The following RUNX2 variants were observed in gnomAD, a reference collection of about 807,000 sequenced individuals.
RUNX2 encodes the protein RUNX family transcription factor 2, also known as runt-related transcription factor 2.
In RUNX2, 10 loss-of-function variants were observed where a neutral mutation model predicts 51.7. The observed-to-expected ratio is 0.19, with a 90% CI of 0.12 to 0.33. RUNX2 has a LOEUF of 0.33. RUNX2 is among the 10% of genes least tolerant of loss of function. The pLI, the probability that RUNX2 is intolerant of heterozygous loss-of-function variation, is 1.00. For missense variants in RUNX2, 562 were observed against 691.3 expected (o/e 0.81, Z 2.10); for synonymous variants, 276 against 273.6 (o/e 1.01, Z -0.09).
intron 7 of RUNX2, among the ~76,000 whole-genome samples, chr6:45,537,134 T>C (rs1030880004): frequency 1.3e-5 from 2 of 152,196 alleles, no homozygotes; most frequent in East Asian, 1.9e-4. Context: ...CTAAGGAATA[T>C]AAAACATGGT....
chr6:45,476,087 T>C (rs1379366769), intron 5 of RUNX2, among the ~76,000 whole-genome samples: 3 of 152,242 alleles, frequency 2.0e-5, no homozygotes, highest in Non-Finnish European at 2.9e-5. Flanking sequence ...ATATCATTTG[T>C]ACTAGTTGCA....
At chr6:45,386,093 G>A (rs912375005) in intron 2 of RUNX2, among the ~76,000 whole-genome samples, 8 of 146,834 alleles carry the variant, frequency 5.4e-5, no homozygotes, top group African/African-American at 2.0e-4. Context: ...TTGAGACGGA[G>A]TTTCACTCTT....
intron 2 of RUNX2, among the ~76,000 whole-genome samples, chr6:45,364,228 G>A (rs1394375351): frequency 6.6e-6 from 1 of 152,004 alleles, no homozygotes; most frequent in Non-Finnish European, 1.5e-5. Context: ...AGGATCCTAA[G>A]GCCAAAAAGT....
intron 5 of RUNX2, among the ~76,000 whole-genome samples, chr6:45,485,383 G>T (rs887438629): frequency 2.6e-5 from 4 of 151,334 alleles, no homozygotes; most frequent in Non-Finnish European, 5.9e-5. Context: ...CATATTTTTA[G>T]TAGAAACGGG....
intron 7 of RUNX2, among the ~76,000 whole-genome samples, chr6:45,517,019 G>A (rs1277315712): frequency 6.6e-6 from 1 of 151,994 alleles, no homozygotes; most frequent in Non-Finnish European, 1.5e-5. Context: ...ATTAACCTAA[G>A]TCTGTACCAC....
At chr6:45,545,318 T>A in intron 8 of RUNX2, 36 bp downstream of exon 8, 5 of 1,502,020 alleles carry the variant, frequency 3.3e-6, no homozygotes, top group Non-Finnish European at 4.5e-6. Context: ...TGGGCAGGGC[T>A]GGGCTGGGCT....
intron 2 of RUNX2, among the ~76,000 whole-genome samples, chr6:45,386,320 G>T (rs1797347925): frequency 6.6e-6 from 1 of 152,166 alleles, no homozygotes; most frequent in Non-Finnish European, 1.5e-5. Flanking sequence ...GCCCACCTCG[G>T]CCTCCCAAAG....
At chr6:45,481,785 T>C (rs1042904905) in intron 5 of RUNX2, among the ~76,000 whole-genome samples, 1 of 152,208 alleles carries the variant, frequency 6.6e-6, no homozygotes, top group African/African-American at 2.4e-5. Context: ...TCAGGCAGTT[T>C]AGGGGACTGC....
chr6:45,438,353 A>G (rs148368784), intron 5 of RUNX2, among the ~76,000 whole-genome samples: 1 of 152,332 alleles, frequency 6.6e-6, no homozygotes, highest in Non-Finnish European at 1.5e-5. Context: ...ACTGAACATA[A>G]TGGGGCAGAA....
chr6:45,392,397 C>G (rs1387430054), intron 2 of RUNX2, among the ~76,000 whole-genome samples: 1 of 152,072 alleles, frequency 6.6e-6, no homozygotes, highest in Non-Finnish European at 1.5e-5. Flanking sequence ...ATATTCCTAG[C>G]TACTTGGGAA....
At chr6:45,426,068 T>C (rs1798374058) in intron 3 of RUNX2, among the ~76,000 whole-genome samples, 1 of 152,236 alleles carries the variant, frequency 6.6e-6, no homozygotes, top group Admixed American at 6.5e-5. Flanking sequence ...AACACGATAT[T>C]GTCAATCTAT....
intron 6 of RUNX2, among the ~76,000 whole-genome samples, chr6:45,507,226 G>A (rs78523855): frequency 0.011 from 1,659 of 152,206 alleles, 38 homozygotes; most frequent in African/African-American, 0.038. Flanking sequence ...GCAGGGTGAC[G>A]GATGGATTAT....
intron 2 of RUNX2, among the ~76,000 whole-genome samples, chr6:45,334,126 C>T (rs1327094291): frequency 6.6e-6 from 1 of 151,166 alleles, no homozygotes; most frequent in Non-Finnish European, 1.5e-5. Context: ...CTTAATTATA[C>T]ATTAGTTACA....
intron 5 of RUNX2, among the ~76,000 whole-genome samples, chr6:45,478,950 C>T (rs1027725164): frequency 1.3e-5 from 2 of 151,898 alleles, no homozygotes; most frequent in African/African-American, 4.8e-5. Flanking sequence ...TGCAGTGGCA[C>T]CATCTCGGCT....
At chr6:45,511,767 A>T (rs1268719438) in intron 6 of RUNX2, among the ~76,000 whole-genome samples, 2 of 152,226 alleles carry the variant, frequency 1.3e-5, no homozygotes, top group Non-Finnish European at 2.9e-5. Flanking sequence ...TGTCTGAAAG[A>T]TAGTAAGTAG....
At chr6:45,545,957 C>T (rs1347812657) in intron 8 of RUNX2, among the ~76,000 whole-genome samples, 1 of 152,180 alleles carries the variant, frequency 6.6e-6, no homozygotes, top group Non-Finnish European at 1.5e-5. Flanking sequence ...CAGGTTACTG[C>T]TTCAAGTTGA....
intron 3 of RUNX2, 147 bp from the exon 4 acceptor site, chr6:45,431,716 C>A: frequency 2.2e-6 from 2 of 927,442 alleles, no homozygotes; most frequent in Non-Finnish European, 1.8e-6. Flanking sequence ...ACAACCCATA[C>A]ACAGATGCTT....
chr6:45,423,049 C>T, intron 3 of RUNX2, 92 bp downstream of exon 3: 1 of 1,499,132 alleles, frequency 6.7e-7, no homozygotes, highest in Admixed American at 2.0e-5. Context: ...CCCCGGACGT[C>T]CTCCAAGACC....
intron 3 of RUNX2, among the ~76,000 whole-genome samples, chr6:45,427,230 G>A (rs1798406851): frequency 6.6e-6 from 1 of 151,920 alleles, no homozygotes; most frequent in South Asian, 2.1e-4. Flanking sequence ...TTTGAAAATA[G>A]GTATGGTAGA....
Sources: allele counts gnomAD v4.1 joint callset (sites outside exome capture counted in the v4.1 genomes callset), GRCh38; gene constraint gnomAD v4.1.1; transcripts MANE v1.5; gene names NCBI Gene and HGNC (gene_info 2026-07-23, HGNC 2026-07-21).